Variants in TRA2B observed in about 807,000 individuals in gnomAD.
The protein encoded by TRA2B is transformer 2 beta homolog.
In TRA2B, 14 loss-of-function variants were observed where a neutral mutation model predicts 41.7. The ratio of observed to expected loss-of-function variants is 0.34; its 90% CI spans 0.22 to 0.53. The LOEUF is 0.53. TRA2B is among the 20% of genes least tolerant of loss of function. The pLI, the probability that TRA2B is intolerant of heterozygous loss-of-function variation, is 0.95. For synonymous variants in TRA2B, 130 were observed against 128.8 expected (o/e 1.01, Z -0.06); for missense variants, 167 against 396.8 (o/e 0.42, Z 4.92).
At position 185,922,137 on chromosome 3, in the gene TRA2B, T is replaced by C. The variant is rs775212175; in HGVS notation, c.523-11A>G. Reference sequence around the variant, plus strand: ...GGCACGTTCTTTAGCCTTCAAAAGGTAAATAAATTGTTACATACATCCTGA... The same window carrying C: ...GGCACGTTCTTTAGCCTTCAAAAGGCAAATAAATTGTTACATACATCCTGA... On this transcript the variant is annotated splice_polypyrimidine_tract_variant and intron_variant, in intron 4 of 8. Transcript: ENST00000453386. The C allele has an allele frequency of 6.9e-6, 11 of 1,602,854 alleles. No homozygotes were observed. Among genetic ancestry groups the C allele is most frequent in the Middle Eastern group, 3.3e-4 (2 of 6,038 alleles).
chr3:185,918,855 A>G (rs2150111286), intron 7 of TRA2B, among the ~76,000 whole-genome samples: 1 of 152,172 alleles, frequency 6.6e-6, no homozygotes, highest in African/African-American at 2.4e-5. Context: ...AAAAAAAAAA[A>G]ATTAGCTCTG....
intron 6 of TRA2B, 41 bp downstream of exon 6, chr3:185,921,058 CACTGT>C (rs1743715455): frequency 6.5e-7 from 1 of 1,542,850 alleles, no homozygotes; most frequent in Admixed American, 1.7e-5. Context: ...CTGCTCTGTA[CACTGT>C]ACTGAGATTC....
At chr3:185,937,226 G>T (rs1045268147) in intron 1 of TRA2B, 32 of 985,910 alleles carry the variant, frequency 3.2e-5, no homozygotes, top group Admixed American at 1.8e-4. Context: ...GTCGGCCTTG[G>T]ATTAGTTTCC....
intron 1 of TRA2B, among the ~76,000 whole-genome samples, chr3:185,929,955 G>A (rs1229335859): frequency 1.3e-5 from 2 of 152,002 alleles, no homozygotes; most frequent in Non-Finnish European, 2.9e-5. Flanking sequence ...GATTAAGGCA[G>A]TCTTTCACAC....
Position 185,919,613 on chromosome 3 carries a change from G to A in TRA2B, c.723-117C>T. On this transcript the variant is annotated intron_variant, in intron 6 of 8. Transcript: ENST00000453386. ...AGCATGAATGAGATGTTTCTTGCAG[G>A]TCAAGTGATTTGCCACCCTTTTTAG... 6 of 797,086 alleles carry A rather than the reference G, an allele frequency of 7.5e-6. No individual in the cohort carries two copies. In the South Asian group the frequency reaches 1.1e-4, roughly 15 times the overall value. 49.4% of individuals were successfully genotyped at this position (797,086 alleles called of 1,614,324 possible).
At chr3:185,920,417 G>A (rs1189465928) in intron 6 of TRA2B, among the ~76,000 whole-genome samples, 2 of 152,278 alleles carry the variant, frequency 1.3e-5, no homozygotes, top group African/African-American at 4.8e-5. Flanking sequence ...GAGCGTACTT[G>A]GCTCACTGCA....
rs1744352111 is a variant in TRA2B, at chr3:185,936,284, A to C, written c.36+1541T>G. Reference sequence around the variant, plus strand: ...ACTGTTATAACAGATTCAACTGCCAATGATCAGAAGTCACGACTTTTTAAC... The same window carrying C: ...ACTGTTATAACAGATTCAACTGCCACTGATCAGAAGTCACGACTTTTTAAC... On this transcript the variant is annotated intron_variant, in intron 1 of 8. Transcript: ENST00000453386. 6 of 985,336 alleles carry C rather than the reference A, an allele frequency of 6.1e-6. No homozygotes were observed. The South Asian group carries it at 2.8e-4, about 46-fold the overall frequency. 61.0% of individuals were successfully genotyped at this position (985,336 alleles called of 1,614,324 possible).
chr3:185,920,264 C>A (rs1743667389), intron 6 of TRA2B, among the ~76,000 whole-genome samples: 1 of 152,188 alleles, frequency 6.6e-6, no homozygotes, highest in Non-Finnish European at 1.5e-5. Flanking sequence ...CAAGAAACTG[C>A]CTGAAAAGTG....
rs538637719 is a variant in TRA2B at position 185,914,958 on chromosome 3, C to T, written c.*2757G>A. Among the ~76,000 whole-genome samples the T allele has an allele frequency of 6.6e-6, 1 of 152,236 alleles. No homozygotes were observed. The highest frequency in any genetic ancestry group is 6.5e-5 in the Admixed American group (1 of 15,280). On this transcript the variant is annotated 3_prime_UTR_variant, in exon 9 of 9. Coordinates refer to ENST00000453386, the MANE Select transcript of TRA2B (RefSeq NM_004593.3). Reference sequence around the variant, plus strand: ...AAGAGCTATTAGTTTTATCTTAAGGCATATATTCCTTATGTAGGGGCAACA... The same window carrying T: ...AAGAGCTATTAGTTTTATCTTAAGGTATATATTCCTTATGTAGGGGCAACA...
Position 185,916,609 on chromosome 3 carries a change from T to TC in TRA2B, c.*1105dup, listed in dbSNP as rs984736478. ...AATTTTCCAGGAATACAGAAATTCATCCCCCCCTCAACCCAGCCCAAAATA... is the reference window on the plus strand; with the variant it reads ...AATTTTCCAGGAATACAGAAATTCATCCCCCCCCTCAACCCAGCCCAAAATA... On this transcript the variant is annotated 3_prime_UTR_variant, in exon 9 of 9. Coordinates refer to ENST00000453386, the MANE Select transcript of TRA2B (RefSeq NM_004593.3). The TC allele has an allele frequency of 1.1e-4, 16 of 152,132 alleles. No homozygotes were observed. The highest frequency in any genetic ancestry group is 2.7e-4 in the African/African-American group (11 of 41,424). The allele number at this position is 152,132 out of a possible 1,614,324, so 9.4% of individuals were successfully genotyped here.
intron 8 of TRA2B, among the ~76,000 whole-genome samples, chr3:185,917,958 T>A (rs1207043274): frequency 6.6e-6 from 1 of 152,178 alleles, no homozygotes; most frequent in Non-Finnish European, 1.5e-5. Context: ...ACTAAAGGGC[T>A]AAGTAATCCA....
chr3:185,933,922 A>G (rs1343531491), intron 1 of TRA2B, among the ~76,000 whole-genome samples: 2 of 152,152 alleles, frequency 1.3e-5, no homozygotes, highest in African/African-American at 2.4e-5. Flanking sequence ...TTAGAGAAAA[A>G]GGGGCCCCTT....
intron 1 of TRA2B, 36 bp downstream of exon 1, chr3:185,937,789 G>C: frequency 6.2e-7 from 1 of 1,613,156 alleles, no homozygotes; most frequent in South Asian, 1.1e-5. Flanking sequence ...AAGGAGCTAG[G>C]ACCACACAGC....
chr3:185,937,502 G>C, intron 1 of TRA2B: 1 of 1,056,786 alleles, frequency 9.5e-7, no homozygotes, highest in Middle Eastern at 3.8e-4. Context: ...GAGCAACGCC[G>C]AAATAAGATA....
Position 185,926,746 on chromosome 3 carries a change from T to C in TRA2B, c.37-12A>G, listed in dbSNP as rs371928110. The C allele has an allele frequency of 5.6e-6, 9 of 1,613,428 alleles. No individual in the cohort carries two copies. The highest frequency in any genetic ancestry group is 1.3e-5 in the African/African-American group (1 of 74,898). On this transcript the variant is annotated splice_polypyrimidine_tract_variant and intron_variant, in intron 1 of 8. Coordinates refer to ENST00000453386, the MANE Select transcript of TRA2B (RefSeq NM_004593.3). ...GCAGAACGGGATTCCTACACGTAGA[T>C]GTTAAAAGTTTAATTTGCACACTTT...
intron 1 of TRA2B, chr3:185,935,691 T>A (rs774681663): frequency 5.0e-5 from 49 of 985,356 alleles, no homozygotes; most frequent in Non-Finnish European, 5.9e-5. Context: ...ACCACAGGCA[T>A]GTCTAAGATC....
intron 1 of TRA2B, chr3:185,936,482 A>C: frequency 2.0e-6 from 2 of 985,428 alleles, no homozygotes; most frequent in South Asian, 9.4e-5. Context: ...AACCAAATTA[A>C]GCAGTTTGGG....
Position 185,922,132 on chromosome 3 carries a change from A to C in TRA2B, c.523-6T>G. On this transcript the variant is annotated splice_region_variant and splice_polypyrimidine_tract_variant and intron_variant, in intron 4 of 8. Coordinates refer to ENST00000453386, the MANE Select transcript of TRA2B (RefSeq NM_004593.3). ...CCATTGGCACGTTCTTTAGCCTTCA[A>C]AAGGTAAATAAATTGTTACATACAT... 6.2e-7 allele frequency: 1 copy of C among 1,606,378 alleles called. No individual in the cohort carries two copies. The highest frequency in any genetic ancestry group is 8.5e-7 in the Non-Finnish European group (1 of 1,174,396).
chr3:185,917,586 C>A lies in TRA2B; in HGVS notation c.*129G>T. On this transcript the variant is annotated 3_prime_UTR_variant, in exon 9 of 9. Coordinates refer to ENST00000453386, the MANE Select transcript of TRA2B (RefSeq NM_004593.3). ...GCATTTCAACTCCACCAAAAGTAGT[C>A]ATCGTAAAAGGTGTAAAAGTCACCT... The A allele has an allele frequency of 1.2e-6, 1 of 843,974 alleles. No homozygotes were observed. Among genetic ancestry groups the A allele is most frequent in the African/African-American group, 1.7e-5 (1 of 57,418 alleles). The allele number at this position is 843,974 out of a possible 1,614,324, so 52.3% of individuals were successfully genotyped here. A position where few individuals can be genotyped will look rare whatever the true frequency, so the allele number is the denominator to read the frequency against.
Sources: gnomAD v4.1 joint callset for allele counts (sites outside exome capture counted in the v4.1 genomes callset) on GRCh38, gnomAD v4.1.1 for gene constraint, MANE v1.5 for transcripts, NCBI Gene and HGNC (gene_info 2026-07-23, HGNC 2026-07-21) for gene names.